Variants in ENPEP observed in about 807,000 individuals in gnomAD.
ENPEP encodes the protein AP-A.
ENPEP carries 103 observed loss-of-function variants against 114.5 expected under a neutral mutation model. That is an observed-to-expected ratio of 0.90 (90% CI 0.77 to 1.06). ENPEP has a LOEUF of 1.06. Ranked by LOEUF, ENPEP falls within the 50% of genes least tolerant of loss-of-function variation. The probability of loss-of-function intolerance (pLI) is 0.00; values close to 1 mark genes in which losing one functional copy is unlikely to be tolerated. For synonymous variants in ENPEP, 420 were observed against 422.0 expected, an observed-to-expected ratio of 1.00 and a Z score of 0.06; for missense variants, 1,196 against 1,161.3, an observed-to-expected ratio of 1.03 and a Z score of -0.43.
intron 3 of ENPEP, chr4:110,506,223 A>G (rs2110350326): frequency 6.5e-6 from 1 of 154,608 alleles, no homozygotes; most frequent in Middle Eastern, 3.4e-3. Flanking sequence ...ACAGAGAAAG[A>G]GAAAGAGAAA....
chr4:110,556,491 C>A lies in ENPEP; in HGVS notation c.2642+3036C>A, dbSNP rs1184150590. Among the ~76,000 whole-genome samples, 4 of 151,372 alleles carry A rather than the reference C, an allele frequency of 2.6e-5. No individual in the cohort carries two copies. In the East Asian group the frequency reaches 7.8e-4, roughly 29 times the overall value. On this transcript the variant is annotated intron_variant, in intron 18 of 19. Coordinates refer to ENST00000265162, the MANE Select transcript of ENPEP (RefSeq NM_001977.4). Reference sequence around the variant, plus strand: ...ATAATGTTTCAATGTGTACATACATCTTAGTTTATTTAGCCAATCCCTATA... The same window carrying A: ...ATAATGTTTCAATGTGTACATACATATTAGTTTATTTAGCCAATCCCTATA...
intron 2 of ENPEP, among the ~76,000 whole-genome samples, chr4:110,490,642 C>T (rs1051339684): frequency 2.6e-5 from 4 of 152,220 alleles, no homozygotes; most frequent in African/African-American, 9.6e-5. Context: ...ACACCAGGTA[C>T]AGCAATTGCC....
Position 110,476,881 on chromosome 4 carries a change from A to G in ENPEP, c.467A>G (p.Gln156Arg), listed in dbSNP as rs780369102. Residue 156 changes from glutamine (Q) to arginine (R), a missense_variant, in exon 1 of 20, where the codon CAA becomes CGA. By Grantham distance (43) the Gln-to-Arg change is conservative. Transcript: ENST00000265162. The part of the protein sequence containing the change: ...ELKRPSGDQV[Q>R]VRRCFEYKKQ... ...AAGAGGCCCTCTGGGGACCAGGTGC[A>G]AGTCCGGAGGTGTTTCGAGTACAAA... 1.9e-6 allele frequency: 3 copies of G among 1,614,074 alleles called. No homozygotes were observed. The South Asian group carries it at 3.3e-5, about 18-fold the overall frequency.
At chr4:110,534,445 T>G (rs760068389) in intron 11 of ENPEP, among the ~76,000 whole-genome samples, 2 of 151,698 alleles carry the variant, frequency 1.3e-5, no homozygotes, top group Non-Finnish European at 2.9e-5. Flanking sequence ...TATTATTACT[T>G]TATATTTTAA....
At chr4:110,500,776 A>C (rs1233010281) in intron 3 of ENPEP, among the ~76,000 whole-genome samples, 1 of 152,220 alleles carries the variant, frequency 6.6e-6, no homozygotes, top group Non-Finnish European at 1.5e-5. Flanking sequence ...AATGTCAATT[A>C]TTAAATAATG....
At chr4:110,531,823 A>C (rs1175202112) in intron 11 of ENPEP, among the ~76,000 whole-genome samples, 3 of 152,180 alleles carry the variant, frequency 2.0e-5, no homozygotes, top group African/African-American at 7.2e-5. Flanking sequence ...CTTTAGCTGC[A>C]ATCTTGGAAA....
chr4:110,511,826 C>A (rs935673440), intron 6 of ENPEP, among the ~76,000 whole-genome samples: 4 of 151,070 alleles, frequency 2.6e-5, no homozygotes, highest in South Asian at 2.1e-4. Context: ...TGCAGTGGAG[C>A]AATCTCGGGT....
intron 8 of ENPEP, among the ~76,000 whole-genome samples, chr4:110,518,691 C>G (rs1315134650): frequency 6.6e-6 from 1 of 152,172 alleles, no homozygotes; most frequent in African/African-American, 2.4e-5. Flanking sequence ...TTCTCCTCAT[C>G]ATAATCTCAG....
At chr4:110,553,631 G>A in intron 18 of ENPEP, 176 bp downstream of exon 18, 3 of 513,544 alleles carry the variant, frequency 5.8e-6, no homozygotes, top group Non-Finnish European at 9.3e-6. Context: ...TTAATTTTAA[G>A]AACAATTTTT....
chr4:110,524,833 A>G (rs1191362021), intron 10 of ENPEP, among the ~76,000 whole-genome samples: 1 of 152,194 alleles, frequency 6.6e-6, no homozygotes, highest in Non-Finnish European at 1.5e-5. Context: ...ATCATAGCTT[A>G]CTGCAGCCTC....
rs753233346 is a variant in ENPEP at position 110,549,790 on chromosome 4, A to G, written c.2405A>G (p.Tyr802Cys). 10 of 1,612,930 alleles carry G rather than the reference A, an allele frequency of 6.2e-6. No individual in the cohort carries two copies. The highest frequency in any genetic ancestry group is 3.3e-5 in the Admixed American group (2 of 59,884). The change falls in exon 17 of 20, where the codon TAC becomes TGC. Residue 802 changes from tyrosine to cysteine, a missense_variant. Coordinates refer to ENST00000265162, the MANE Select transcript of ENPEP (RefSeq NM_001977.4). ...TCTGGCAATGAGATTTCATGGAACT[A>G]CACTCTTGAGCAATACCAGAAAACT... ...QNSGNEISWN[Y>C]TLEQYQKTSL...
Position 110,504,640 on chromosome 4 carries a change from C to T in ENPEP, c.919-1997C>T, listed in dbSNP as rs181988249. Among the ~76,000 whole-genome samples, 226 of 152,256 alleles carry T rather than the reference C, an allele frequency of 1.5e-3. 2 individuals carry two copies. Among genetic ancestry groups the T allele is most frequent in the African/African-American group, 5.2e-3 (216 of 41,544 alleles). On this transcript the variant is annotated intron_variant, in intron 3 of 19. Transcript: ENST00000265162. ...CATATTTCTATGGACTTGAGTTTCT[C>T]AGAAACAAAAGAGGAAGGGACTGCT... is the stretch of plus-strand genomic sequence containing the variant.
chr4:110,551,602 A>T (rs192981670), intron 17 of ENPEP, among the ~76,000 whole-genome samples: 119 of 152,288 alleles, frequency 7.8e-4, no homozygotes, highest in African/African-American at 2.8e-3. Context: ...TTACCCACAC[A>T]ACTGCAAGTG....
chr4:110,553,812 G>A (rs1450843699), intron 18 of ENPEP, among the ~76,000 whole-genome samples: 2 of 151,890 alleles, frequency 1.3e-5, no homozygotes, highest in Non-Finnish European at 2.9e-5. Context: ...ATTAAAGCTA[G>A]GTAAAAATTA....
At chr4:110,489,208 G>C (rs1724610416) in intron 2 of ENPEP, among the ~76,000 whole-genome samples, 3 of 149,414 alleles carry the variant, frequency 2.0e-5, no homozygotes, top group Admixed American at 2.0e-4. Context: ...TAAATGTCTG[G>C]AGAAAAAAAA....
intron 3 of ENPEP, among the ~76,000 whole-genome samples, chr4:110,491,506 C>T (rs1724719569): frequency 6.6e-6 from 1 of 152,156 alleles, no homozygotes. Flanking sequence ...GTGTACCTCT[C>T]CCAGATATAG....
At chr4:110,479,146 G>C (rs1724218534) in intron 1 of ENPEP, among the ~76,000 whole-genome samples, 4 of 152,290 alleles carry the variant, frequency 2.6e-5, no homozygotes, top group South Asian at 4.1e-4. Flanking sequence ...TCTGGACATA[G>C]ATAGCTGTGG....
At chr4:110,489,814 A>G (rs1229082173) in intron 2 of ENPEP, among the ~76,000 whole-genome samples, 3 of 152,174 alleles carry the variant, frequency 2.0e-5, no homozygotes, top group Non-Finnish European at 4.4e-5. Context: ...ACCAGCCCCA[A>G]ATTATGTCTC....
rs76785992 is a variant in ENPEP at position 110,520,440 on chromosome 4, G to C, written c.1727+74G>C. The C allele has an allele frequency of 1.5e-3, 2,266 of 1,465,354 alleles. 25 individuals are homozygous for C. In the African/African-American group the frequency reaches 0.028, roughly 18 times the overall value. 90.8% of individuals were successfully genotyped at this position (1,465,354 alleles called of 1,614,324 possible). On this transcript the variant is annotated intron_variant, in intron 10 of 19. Coordinates refer to ENST00000265162, the MANE Select transcript of ENPEP (RefSeq NM_001977.4). The stretch of plus-strand genomic sequence containing the variant: ...ATTGGTAATTTGTTTATATCCTATT[G>C]TTGAGTACATGATGGATGAGTGATA...
Sources: gnomAD v4.1 joint callset for allele counts (sites outside exome capture counted in the v4.1 genomes callset) on GRCh38, gnomAD v4.1.1 for gene constraint, MANE v1.5 for transcripts, NCBI Gene and HGNC (gene_info 2026-07-23, HGNC 2026-07-21) for gene names.